The following INPP5A variants were observed in gnomAD, a reference collection of about 807,000 sequenced individuals.
INPP5A encodes the protein inositol polyphosphate-5-phosphatase A, also known as 43 kDa inositol polyphosphate 5-phophatase.
Under a neutral mutation model 65.2 loss-of-function variants are expected in INPP5A, and 14 were observed. That is an observed-to-expected ratio of 0.21 (90% confidence interval 0.14 to 0.34). The LOEUF (loss-of-function observed/expected upper bound fraction) is 0.34, where lower values mean the gene tolerates loss of function less well. Ranked by LOEUF, INPP5A falls within the 10% of genes least tolerant of loss-of-function variation. INPP5A has a pLI of 1.00. For missense variants in INPP5A, 431 were observed against 545.6 expected, an observed-to-expected ratio of 0.79 and a Z score of 2.09; for synonymous variants, 207 against 208.3, an observed-to-expected ratio of 0.99 and a Z score of 0.05.
chr10:132,547,821 T>A lies in INPP5A; in HGVS notation c.75+9650T>A, dbSNP rs1465093449. Among the ~76,000 whole-genome samples the A allele has an allele frequency of 2.0e-5, 3 of 152,146 alleles. No individual in the cohort carries two copies. Among genetic ancestry groups the A allele is most frequent in the Non-Finnish European group, 4.4e-5 (3 of 68,016 alleles). On this transcript the variant is annotated intron_variant, in intron 1 of 15. Coordinates refer to ENST00000368594, the MANE Select transcript of INPP5A (RefSeq NM_005539.5). The surrounding 1 kb of genome is among the most constrained non-coding windows in gnomAD (Gnocchi z 5.5). ...GTCCCAAGCTCCCTTCCTGTCATAC[T>A]GTGCTTTACCGTGACTGTGGCGTCA...
At chr10:132,539,072 G>T (rs1477657395) in intron 1 of INPP5A, among the ~76,000 whole-genome samples, 1 of 151,972 alleles carries the variant, frequency 6.6e-6, no homozygotes, top group Non-Finnish European at 1.5e-5. Context: ...CCTCCAACAA[G>T]CTCCTGCCCC....
At chr10:132,613,486 G>A (rs1430479799) in intron 2 of INPP5A, among the ~76,000 whole-genome samples, 2 of 152,234 alleles carry the variant, frequency 1.3e-5, no homozygotes, top group African/African-American at 4.8e-5. Flanking sequence ...AATAATGAAT[G>A]ATGGTTTGCT....
intron 11 of INPP5A, among the ~76,000 whole-genome samples, chr10:132,750,281 T>C (rs1245415122): frequency 6.6e-6 from 1 of 152,206 alleles, no homozygotes; most frequent in Non-Finnish European, 1.5e-5. Context: ...CACGTGTGTG[T>C]GCTCTAGTGC....
intron 5 of INPP5A, among the ~76,000 whole-genome samples, chr10:132,696,840 G>A (rs2134498055): frequency 6.6e-6 from 1 of 152,280 alleles, no homozygotes; most frequent in East Asian, 1.9e-4. Flanking sequence ...CCACACCACA[G>A]CACCCAGGGC....
chr10:132,639,341 G>A (rs1469076420), intron 2 of INPP5A, among the ~76,000 whole-genome samples: 1 of 150,772 alleles, frequency 6.6e-6, no homozygotes, highest in East Asian at 1.9e-4. Flanking sequence ...CACTTTAAAG[G>A]CCTTGTTCCA....
intron 8 of INPP5A, 101 bp from the exon 9 acceptor site, chr10:132,726,720 C>G (rs1316812036): frequency 4.9e-6 from 4 of 813,762 alleles, no homozygotes; most frequent in Non-Finnish European, 8.0e-6. Flanking sequence ...GGTGACAGAA[C>G]AGAGAGTGTG....
intron 4 of INPP5A, among the ~76,000 whole-genome samples, chr10:132,672,903 G>GT (rs955862376): frequency 1.3e-5 from 2 of 152,098 alleles, no homozygotes; most frequent in African/African-American, 4.8e-5. Flanking sequence ...GCGGGTCGTG[G>GT]TTTTTTTCCT....
intron 1 of INPP5A, among the ~76,000 whole-genome samples, chr10:132,559,307 G>A (rs1403996373): frequency 1.3e-5 from 2 of 152,330 alleles, no homozygotes; most frequent in African/African-American, 4.8e-5. Context: ...GGTTAGTCCT[G>A]TCATTTGGGG....
chr10:132,593,391 C>T (rs2071644095), intron 1 of INPP5A, among the ~76,000 whole-genome samples: 1 of 152,218 alleles, frequency 6.6e-6, no homozygotes, highest in South Asian at 2.1e-4. Flanking sequence ...AAGAACTTTT[C>T]AGTAAACTTA....
In INPP5A at chr10:132,678,448, A is replaced by G. The variant is rs572545281; in HGVS notation, c.307-11944A>G. Among the ~76,000 whole-genome samples the G allele has an allele frequency of 2.0e-5, 3 of 152,046 alleles. No homozygotes were observed. The highest frequency in any genetic ancestry group is 4.8e-5 in the African/African-American group (2 of 41,470). On this transcript the variant is annotated intron_variant, in intron 4 of 15. Transcript: ENST00000368594. The surrounding 1 kb of genome is among the most constrained non-coding windows in gnomAD (Gnocchi z 4.1). ...AGGTGTCTTGGGACTTGCCTTTGTG[A>G]TAGGGTTAAATGTGTGACTTTTGCA... is the stretch of plus-strand genomic sequence containing the variant.
Position 132,650,390 on chromosome 10 carries a change from C to T in INPP5A, c.219-28C>T, listed in dbSNP as rs2072558114. 6.4e-7 allele frequency: 1 copy of T among 1,558,212 alleles called. No individual in the cohort carries two copies. Among genetic ancestry groups the T allele is most frequent in the Non-Finnish European group, 8.9e-7 (1 of 1,129,164 alleles). On this transcript the variant is annotated intron_variant, in intron 3 of 15. Transcript: ENST00000368594. The surrounding 1 kb of genome is among the most constrained non-coding windows in gnomAD (Gnocchi z 5.5). Reference sequence around the variant, plus strand: ...GGTGCAAGGCGTCTGTGTGGCTTTTCCTCAGGAACCTACTTTCTTCCTTCC... The same window carrying T: ...GGTGCAAGGCGTCTGTGTGGCTTTTTCTCAGGAACCTACTTTCTTCCTTCC...
At chr10:132,653,461 C>T (rs1264882256) in intron 4 of INPP5A, among the ~76,000 whole-genome samples, 1 of 152,128 alleles carries the variant, frequency 6.6e-6, no homozygotes, top group East Asian at 1.9e-4. Flanking sequence ...CAGGCCGTGC[C>T]AGGCCTGTAC....
Position 132,678,584 on chromosome 10 carries a change from G to A in INPP5A, c.307-11808G>A, listed in dbSNP as rs116944111. On this transcript the variant is annotated intron_variant, in intron 4 of 15. Coordinates refer to ENST00000368594, the MANE Select transcript of INPP5A (RefSeq NM_005539.5). The surrounding 1 kb of genome is among the most constrained non-coding windows in gnomAD (Gnocchi z 4.1). ...CTGAGCTGCTGCTGCTCAGCCGGGC[G>A]CCCAGAGGGTGTGGTGCCTCTCTCA... Among the ~76,000 whole-genome samples, 2,242 of 152,248 alleles carry A rather than the reference G, an allele frequency of 0.015. 33 individuals are homozygous for A. The highest frequency in any genetic ancestry group is 0.039 in the South Asian group (187 of 4,812).
chr10:132,699,462 C>G (rs558844886), intron 6 of INPP5A, among the ~76,000 whole-genome samples: 57 of 152,282 alleles, frequency 3.7e-4, no homozygotes, highest in African/African-American at 1.3e-3. Flanking sequence ...GCTGTTGACC[C>G]GGCACCTCGT....
At chr10:132,577,778 A>C (rs1456079807) in intron 1 of INPP5A, among the ~76,000 whole-genome samples, 1 of 152,126 alleles carries the variant, frequency 6.6e-6, no homozygotes, top group African/African-American at 2.4e-5. Flanking sequence ...GTGGCCTCCT[A>C]GTGACCTCTC....
intron 1 of INPP5A, among the ~76,000 whole-genome samples, chr10:132,590,558 TC>T (rs1278161038): frequency 1.3e-5 from 2 of 152,094 alleles, no homozygotes; most frequent in Non-Finnish European, 2.9e-5. Context: ...TCGAGGATGT[TC>T]CGACCACCAT....
At chr10:132,612,238 A>T (rs1462200468) in intron 2 of INPP5A, among the ~76,000 whole-genome samples, 1 of 138,596 alleles carries the variant, frequency 7.2e-6, no homozygotes, top group Non-Finnish European at 1.6e-5. Flanking sequence ...CCCTGTCGGG[A>T]GGGTGTGGGA....
intron 2 of INPP5A, among the ~76,000 whole-genome samples, chr10:132,643,194 A>G (rs1475836839): frequency 6.6e-6 from 1 of 152,230 alleles, no homozygotes; most frequent in Non-Finnish European, 1.5e-5. Context: ...CTGCTAGTAT[A>G]TAGAAGGAAT....
intron 7 of INPP5A, among the ~76,000 whole-genome samples, 190 bp from the exon 8 acceptor site, chr10:132,710,147 A>G (rs1845608944): frequency 6.6e-6 from 1 of 152,222 alleles, no homozygotes. Context: ...ACATATTCAG[A>G]CTTCACTGGA....
Sources: gnomAD v4.1 joint callset for allele counts (sites outside exome capture counted in the v4.1 genomes callset) on GRCh38, gnomAD v4.1.1 for gene constraint, Gnocchi (gnomAD v3.1) non-coding constraint, MANE v1.5 for transcripts, NCBI Gene and HGNC (gene_info 2026-07-23, HGNC 2026-07-21) for gene names.